The following ENPP1 variants were observed in gnomAD, a reference collection of about 807,000 sequenced individuals.
ENPP1 encodes ectonucleotide pyrophosphatase/phosphodiesterase family member 1.
In ENPP1, 73 loss-of-function variants were observed where a neutral mutation model predicts 122.8. The observed-to-expected ratio is 0.59, with a 90% CI of 0.49 to 0.72. The LOEUF is 0.72. Ranked by LOEUF, ENPP1 falls within the 30% of genes least tolerant of loss-of-function variation. The pLI, the probability that ENPP1 is intolerant of heterozygous loss-of-function variation, is 0.00. For missense variants in ENPP1, 978 were observed against 1,128.1 expected, an observed-to-expected ratio of 0.87 and a Z score of 1.91; for synonymous variants, 367 against 391.6, an observed-to-expected ratio of 0.94 and a Z score of 0.74.
intron 16 of ENPP1, among the ~76,000 whole-genome samples, chr6:131,875,061 G>A (rs1473111289): frequency 6.6e-6 from 1 of 152,154 alleles, no homozygotes; most frequent in Non-Finnish European, 1.5e-5. Context: ...CTCCCCAAAG[G>A]TGGGAGGGCA....
At chr6:131,816,579 G>A (rs971517455) in intron 1 of ENPP1, among the ~76,000 whole-genome samples, 64 of 152,322 alleles carry the variant, frequency 4.2e-4, no homozygotes, top group African/African-American at 1.5e-3. Context: ...TTTTTCAAAA[G>A]AGTGACCAGA....
At chr6:131,826,253 T>C (rs1440334828) in intron 1 of ENPP1, 16 of 999,548 alleles carry the variant, frequency 1.6e-5, no homozygotes, top group South Asian at 1.3e-4. Context: ...AGCATCTCAC[T>C]GTTGTTGTTG....
intron 13 of ENPP1, among the ~76,000 whole-genome samples, chr6:131,871,095 C>A (rs992005673): frequency 6.6e-6 from 1 of 151,894 alleles, no homozygotes; most frequent in Non-Finnish European, 1.5e-5. Flanking sequence ...GCTCTACAGG[C>A]AATAGCAGTC....
intron 1 of ENPP1, among the ~76,000 whole-genome samples, chr6:131,822,582 TAAA>T (rs959387340): frequency 2.0e-5 from 3 of 149,752 alleles, no homozygotes; most frequent in African/African-American, 2.4e-5. Context: ...ATATCACTTT[TAAA>T]AAAAAAAAAA....
chr6:131,861,470 A>G, intron 8 of ENPP1, 125 bp from the exon 9 acceptor site: 3 of 714,598 alleles, frequency 4.2e-6, no homozygotes, highest in Non-Finnish European at 7.7e-6. Context: ...CTAAGTGCTG[A>G]AGCTTGTTGA....
intron 20 of ENPP1, among the ~76,000 whole-genome samples, chr6:131,882,022 AAAT>A (rs1554205199): frequency 7.0e-6 from 1 of 142,220 alleles, no homozygotes; most frequent in Non-Finnish European, 1.5e-5. Context: ...CATCTTAAAA[AAAT>A]AATAATAATA....
chr6:131,826,177 T>A (rs1416891734), intron 1 of ENPP1: 11 of 888,254 alleles, frequency 1.2e-5, no homozygotes, highest in African/African-American at 1.6e-5. Flanking sequence ...AGGGGACAAA[T>A]TCATCAAGCT....
chr6:131,860,723 T>G (rs953553089), intron 8 of ENPP1, among the ~76,000 whole-genome samples: 5 of 152,174 alleles, frequency 3.3e-5, no homozygotes, highest in African/African-American at 1.2e-4. Context: ...ATTTGGGTTG[T>G]GCTGGGCAAT....
intron 1 of ENPP1, chr6:131,827,556 A>G (rs1781560381): frequency 6.6e-6 from 4 of 602,426 alleles, no homozygotes; most frequent in African/African-American, 3.7e-5. Context: ...TCAACTGAAC[A>G]GTCAATTTAA....
In ENPP1 at chr6:131,849,721, A is replaced by G. The variant is rs185230909; in HGVS notation, c.314-269A>G. 4.6e-5 allele frequency among the ~76,000 whole-genome samples: 7 copies of G among 152,324 alleles called. No homozygotes were observed. In the East Asian group the frequency reaches 1.4e-3, roughly 29 times the overall value. On this transcript the variant is annotated intron_variant, in intron 2 of 24. Transcript: ENST00000647893. ...TTATTTAAGTCTTATCAGACCCAGT[A>G]ACGTTTGTAATAATAATCATTAAAA... is the stretch of plus-strand genomic sequence containing the variant.
rs1235809561 is a variant in ENPP1, at chr6:131,892,629, C to G, written c.*2118C>G. ...TGTATTCTTCCAGCACACAAACATA[C>G]ACAATTTAACTCAAAGCATCTTAGC... On this transcript the variant is annotated 3_prime_UTR_variant, in exon 25 of 25. Transcript: ENST00000647893. 6.6e-6 allele frequency: 1 copy of G among 152,228 alleles called. No individual in the cohort carries two copies. Among genetic ancestry groups the G allele is most frequent in the Admixed American group, 6.5e-5 (1 of 15,278 alleles). The allele number at this position is 152,228 out of a possible 1,614,324, so 9.4% of individuals were successfully genotyped here.
chr6:131,844,435 T>A (rs1359812358), intron 1 of ENPP1, among the ~76,000 whole-genome samples: 3 of 152,254 alleles, frequency 2.0e-5, no homozygotes, highest in Non-Finnish European at 4.4e-5. Context: ...TTTCAAAATC[T>A]GCCAGTGATT....
In ENPP1 at chr6:131,808,122, C is replaced by A; in HGVS notation, c.87C>A (p.Arg29=). 7.8e-7 allele frequency: 1 copy of A among 1,286,530 alleles called. No individual in the cohort carries two copies. The highest frequency in any genetic ancestry group is 9.9e-7 in the Non-Finnish European group (1 of 1,012,520). 79.7% of individuals were successfully genotyped at this position (1,286,530 alleles called of 1,614,324 possible). A position where few individuals can be genotyped will look rare whatever the true frequency, so the allele number is the denominator to read the frequency against. ...APREGPAGNG[R]DRGRSHAAEA... is the part of the protein sequence containing the mutation. ...GGGAGGGCCCGGCGGGGAACGGCCG[C>A]GATCGGGGCCGCAGCCACGCTGCCG... is the stretch of plus-strand genomic sequence containing the variant. Residue 29 remains arginine, a synonymous_variant, in exon 1 of 25, where the codon CGC becomes CGA. Coordinates refer to ENST00000647893, the MANE Select transcript of ENPP1 (RefSeq NM_006208.3).
intron 1 of ENPP1, among the ~76,000 whole-genome samples, chr6:131,836,639 G>A (rs930538021): frequency 4.6e-5 from 7 of 152,040 alleles, no homozygotes; most frequent in Admixed American, 1.3e-4. Context: ...CAAATTAGAA[G>A]CAAGTACTGT....
In ENPP1 at chr6:131,861,636, A is replaced by C. The variant is rs759819409; in HGVS notation, c.957A>C (p.Thr319=). ...TAKYQGLKSG[T]FFWPGSDVEI... ...AGTATCAAGGCCTCAAGTCTGGCACATTTTTCTGGCCAGGATCAGATGTGG... is the reference window on the plus strand; with the variant it reads ...AGTATCAAGGCCTCAAGTCTGGCACCTTTTTCTGGCCAGGATCAGATGTGG... Residue 319 remains threonine, a synonymous_variant, in exon 9 of 25, where the codon ACA becomes ACC. Coordinates refer to ENST00000647893, the MANE Select transcript of ENPP1 (RefSeq NM_006208.3). The C allele has an allele frequency of 2.5e-6, 4 of 1,613,866 alleles. No homozygotes were observed. The highest frequency in any genetic ancestry group is 2.2e-5 in the South Asian group (2 of 91,080).
rs528357955 is a variant in ENPP1, at chr6:131,893,371, G to C, written c.*2860G>C. 1 of 152,272 alleles carries C rather than the reference G, an allele frequency of 6.6e-6. No individual in the cohort carries two copies. Among genetic ancestry groups the C allele is most frequent in the Admixed American group, 6.5e-5 (1 of 15,290 alleles). 9.4% of individuals were successfully genotyped at this position (152,272 alleles called of 1,614,324 possible). A position where few individuals can be genotyped will look rare whatever the true frequency, so the allele number is the denominator to read the frequency against. On this transcript the variant is annotated 3_prime_UTR_variant, in exon 25 of 25. Coordinates refer to ENST00000647893, the MANE Select transcript of ENPP1 (RefSeq NM_006208.3). Reference sequence around the variant, plus strand: ...CATGAAGCCACAGGAGGGGTGCCAGGCTGCACAAAAGAGACACTGGATGCT... The same window carrying C: ...CATGAAGCCACAGGAGGGGTGCCAGCCTGCACAAAAGAGACACTGGATGCT...
At chr6:131,888,153 T>TGCCC (rs1485295036) in intron 24 of ENPP1, among the ~76,000 whole-genome samples, 1 of 152,010 alleles carries the variant, frequency 6.6e-6, no homozygotes, top group Non-Finnish European at 1.5e-5. Flanking sequence ...TGAGCCACTG[T>TGCCC]GCCCGGCCCA....
chr6:131,850,278 G>GA (rs1005737064), intron 3 of ENPP1, among the ~76,000 whole-genome samples, 172 bp downstream of exon 3: 3 of 151,994 alleles, frequency 2.0e-5, no homozygotes, highest in African/African-American at 7.2e-5. Context: ...TTCCTTAAGA[G>GA]AAAAAAATTT....
intron 1 of ENPP1, among the ~76,000 whole-genome samples, chr6:131,834,903 G>A (rs777995273): frequency 2.6e-5 from 4 of 152,162 alleles, no homozygotes; most frequent in Non-Finnish European, 4.4e-5. Context: ...TGTAGGGTCA[G>A]GGGTTATTCA....
Sources: gnomAD v4.1 joint callset for allele counts (sites outside exome capture counted in the v4.1 genomes callset) on GRCh38, gnomAD v4.1.1 for gene constraint, MANE v1.5 for transcripts, NCBI Gene and HGNC (gene_info 2026-07-23, HGNC 2026-07-21) for gene names.